The following DNM3 variants were observed in gnomAD, a reference collection of about 807,000 sequenced individuals.
DNM3 encodes the protein dynamin-3.
In DNM3, 47 loss-of-function variants were observed where a neutral mutation model predicts 101.6. That is an observed-to-expected ratio of 0.46 (90% confidence interval 0.37 to 0.59). The LOEUF is 0.59. Among genes scored for constraint, DNM3 ranks in the 20% least tolerant of loss-of-function variants. The pLI, the probability that DNM3 is intolerant of heterozygous loss-of-function variation, is 0.00. For missense variants in DNM3, 849 were observed against 1,085.7 expected (o/e 0.78, Z 3.06); for synonymous variants, 385 against 387.9 (o/e 0.99, Z 0.09).
intron 13 of DNM3, among the ~76,000 whole-genome samples, chr1:172,112,721 G>A (rs938307224): frequency 6.6e-6 from 1 of 152,132 alleles, no homozygotes; most frequent in South Asian, 2.1e-4. Context: ...ATGAGTTTGG[G>A]GCCCCACTTG....
rs541042186 is a variant in DNM3 at position 172,239,399 on chromosome 1, G to A, written c.1660-14174G>A. 5.3e-5 allele frequency among the ~76,000 whole-genome samples: 8 copies of A among 152,242 alleles called. No individual in the cohort carries two copies. The East Asian group carries it at 1.2e-3, about 22-fold the overall frequency. On this transcript the variant is annotated intron_variant, in intron 14 of 20. Coordinates refer to ENST00000627582, the MANE Select transcript of DNM3 (RefSeq NM_015569.5). ...AGGAAAAGGAAATAAACATGTATCC[G>A]AAGTCCCTGAATACACGGTCATCTG...
rs964475664 is a variant in DNM3 at position 172,411,743 on chromosome 1, C to T, written c.*3902C>T. On this transcript the variant is annotated 3_prime_UTR_variant, in exon 21 of 21. Coordinates refer to ENST00000627582, the MANE Select transcript of DNM3 (RefSeq NM_015569.5). ...ATGAAGAATAAAGCCTACTAGGTCT[C>T]TAACTGTTGAACTCATGAAAGAAGA... The T allele has an allele frequency of 1.1e-4, 107 of 985,290 alleles. No homozygotes were observed. The highest frequency in any genetic ancestry group is 1.2e-4 in the Non-Finnish European group (100 of 829,810). The allele number at this position is 985,290 out of a possible 1,614,324, so 61.0% of individuals were successfully genotyped here.
intron 1 of DNM3, among the ~76,000 whole-genome samples, chr1:171,911,883 G>A (rs531880669): frequency 3.1e-4 from 47 of 152,088 alleles, no homozygotes; most frequent in Non-Finnish European, 4.6e-4. Context: ...AGTCACTGTC[G>A]TGTCAAAGAA....
intron 14 of DNM3, among the ~76,000 whole-genome samples, chr1:172,192,265 G>C (rs2059755927): frequency 6.6e-6 from 1 of 151,830 alleles, no homozygotes; most frequent in Admixed American, 6.6e-5. Flanking sequence ...TGTGGTTTTT[G>C]TCTTTGGTTC....
At chr1:171,921,903 A>G (rs2125323978) in intron 2 of DNM3, 82 bp downstream of exon 2, 1 of 1,314,470 alleles carries the variant, frequency 7.6e-7, no homozygotes, top group East Asian at 2.5e-5. Flanking sequence ...TTGTACAAAT[A>G]GAAACGTTTT....
At chr1:172,163,954 T>TACACACACAC (rs1361403589) in intron 14 of DNM3, among the ~76,000 whole-genome samples, 20 of 112,154 alleles carry the variant, frequency 1.8e-4, no homozygotes, top group African/African-American at 8.5e-4. Flanking sequence ...CATACATATA[T>TACACACACAC]ATACACACAC....
chr1:172,056,061 T>G (rs1220966679), intron 10 of DNM3, among the ~76,000 whole-genome samples: 1 of 152,146 alleles, frequency 6.6e-6, no homozygotes, highest in Non-Finnish European at 1.5e-5. Flanking sequence ...TTCCCTTTCC[T>G]AGTCAAAGAA....
At chr1:172,084,900 T>TA (rs967769384) in intron 12 of DNM3, among the ~76,000 whole-genome samples, 1 of 152,116 alleles carries the variant, frequency 6.6e-6, no homozygotes, top group Non-Finnish European at 1.5e-5. Context: ...TCTAATTTTT[T>TA]AAAAAATGAA....
At chr1:172,416,629 C>T (rs16844423), downstream of DNM3, among the ~76,000 whole-genome samples, 16,729 of 152,122 alleles carry the variant, frequency 0.11, 3,077 homozygotes, top group African/African-American at 0.38. Context: ...GTCGCTTCAG[C>T]ACTGTGGACT....
intron 15 of DNM3, among the ~76,000 whole-genome samples, chr1:172,284,051 G>A (rs1311894628): frequency 4.6e-5 from 7 of 152,056 alleles, no homozygotes; most frequent in Admixed American, 4.6e-4. Context: ...AGGAAAATGT[G>A]GAAGAAAAAG....
rs2071166912 is a variant in DNM3, at chr1:172,410,910, GTTTTCTGTGTACAAACACA to G, written c.*3076_*3094del. 1.0e-6 allele frequency: 1 copy of G among 985,186 alleles called. No homozygotes were observed. Among genetic ancestry groups the G allele is most frequent in the Non-Finnish European group, 1.2e-6 (1 of 829,788 alleles). The allele number at this position is 985,186 out of a possible 1,614,324, so 61.0% of individuals were successfully genotyped here. Reference sequence around the variant, plus strand: ...ATACCAGTATGTGATAAATGTTGATGTTTTCTGTGTACAAACACATTTTCTATGCATGTGTCTCTGTGTA... The same window carrying G: ...ATACCAGTATGTGATAAATGTTGATGTTTTCTATGCATGTGTCTCTGTGTA... On this transcript the variant is annotated 3_prime_UTR_variant, in exon 21 of 21. Transcript: ENST00000627582.
At chr1:172,329,454 A>G (rs1023184946) in intron 17 of DNM3, among the ~76,000 whole-genome samples, 1 of 152,144 alleles carries the variant, frequency 6.6e-6, no homozygotes, top group Non-Finnish European at 1.5e-5. Context: ...CCAATACTAT[A>G]CAAAGAGAAA....
intron 14 of DNM3, among the ~76,000 whole-genome samples, chr1:172,226,527 T>C (rs1269220494): frequency 1.3e-5 from 2 of 152,194 alleles, no homozygotes; most frequent in African/African-American, 2.4e-5. Flanking sequence ...GCTAAGAGCA[T>C]GGACCCTGGA....
At chr1:172,137,888 G>A (rs2057332583) in intron 14 of DNM3, 1 of 152,078 alleles carries the variant, frequency 6.6e-6, no homozygotes, top group South Asian at 2.1e-4. Flanking sequence ...ACTGAAGTTT[G>A]GATATTTTCT....
chr1:172,163,200 T>C (rs1002143375), intron 14 of DNM3, among the ~76,000 whole-genome samples: 3 of 151,818 alleles, frequency 2.0e-5, no homozygotes, highest in Admixed American at 6.6e-5. Flanking sequence ...TGAGATCTAG[T>C]CTCTTAGCAA....
At chr1:171,987,589 G>T (rs2045349791) in intron 2 of DNM3, 67 bp from the exon 3 acceptor site, 1 of 1,446,876 alleles carries the variant, frequency 6.9e-7, no homozygotes, top group Non-Finnish European at 9.2e-7. Context: ...TATAATTAAA[G>T]AAACTTTTAT....
intron 4 of DNM3, among the ~76,000 whole-genome samples, chr1:172,027,098 A>G (rs2048258323): frequency 6.6e-6 from 1 of 152,224 alleles, no homozygotes; most frequent in Admixed American, 6.5e-5. Context: ...TGAAGGGAGC[A>G]CTAAATATGG....
intron 1 of DNM3, among the ~76,000 whole-genome samples, chr1:171,899,109 G>C (rs2038077850): frequency 6.6e-6 from 1 of 152,168 alleles, no homozygotes; most frequent in South Asian, 2.1e-4. Context: ...TAGCCCAGCT[G>C]CAAGAGCAGT....
At chr1:172,303,954 G>C (rs1358212440) in intron 15 of DNM3, among the ~76,000 whole-genome samples, 1 of 151,942 alleles carries the variant, frequency 6.6e-6, no homozygotes. Context: ...ATTGATGCTA[G>C]GAAGAAACTG....
Sources: allele counts gnomAD v4.1 joint callset (sites outside exome capture counted in the v4.1 genomes callset), GRCh38; gene constraint gnomAD v4.1.1; transcripts MANE v1.5; gene names NCBI Gene and HGNC (gene_info 2026-07-23, HGNC 2026-07-21).